Variants in SIDT1 observed in about 807,000 individuals in gnomAD.
SIDT1 encodes SID1 transmembrane family member 1.
SIDT1 carries 101 observed loss-of-function variants against 107.5 expected under a neutral mutation model. The ratio of observed to expected loss-of-function variants is 0.94; its 90% confidence interval spans 0.80 to 1.11. The LOEUF is 1.11. Ranked by LOEUF, SIDT1 falls within the 50% of genes least tolerant of loss-of-function variation. The pLI is 0.00. For synonymous variants in SIDT1, 395 were observed against 398.2 expected (o/e 0.99, Z 0.10); for missense variants, 1,076 against 1,058.2 (o/e 1.02, Z -0.23).
chr3:113,608,556 A>G lies in SIDT1; in HGVS notation c.1720+20A>G, dbSNP rs529337746. The G allele has an allele frequency of 2.3e-5, 35 of 1,501,158 alleles. No homozygotes were observed. Among genetic ancestry groups the G allele is most frequent in the South Asian group, 2.1e-4 (19 of 88,758 alleles). 93.0% of individuals were successfully genotyped at this position (1,501,158 alleles called of 1,614,324 possible). A position where few individuals can be genotyped will look rare whatever the true frequency, so the allele number is the denominator to read the frequency against. On this transcript the variant is annotated intron_variant, in intron 17 of 24. Transcript: ENST00000264852. Reference sequence around the variant, plus strand: ...AATTCGGTAATTAGAACTTATATCTACTATACAGATTTGAATCGTCAGTCT... The same window carrying G: ...AATTCGGTAATTAGAACTTATATCTGCTATACAGATTTGAATCGTCAGTCT...
intron 10 of SIDT1, among the ~76,000 whole-genome samples, chr3:113,600,749 C>G (rs1373614407): frequency 6.6e-6 from 1 of 152,174 alleles, no homozygotes; most frequent in Non-Finnish European, 1.5e-5. Context: ...TGAAGGTAAC[C>G]TGTTTCTTTG....
chr3:113,612,515 T>A, intron 19 of SIDT1: 1 of 444,924 alleles, frequency 2.2e-6, no homozygotes, highest in Non-Finnish European at 4.4e-6. Flanking sequence ...AATGGTATGA[T>A]CATACCACTA....
chr3:113,598,048 G>A (rs1702705759), intron 10 of SIDT1, among the ~76,000 whole-genome samples: 1 of 152,218 alleles, frequency 6.6e-6, no homozygotes, highest in African/African-American at 2.4e-5. Flanking sequence ...TTTAATTGGT[G>A]CATATAAAAG....
At chr3:113,595,510 T>C (rs374344436) in intron 10 of SIDT1, among the ~76,000 whole-genome samples, 1 of 151,878 alleles carries the variant, frequency 6.6e-6, no homozygotes, top group Admixed American at 6.6e-5. Context: ...GCCCAGGATG[T>C]TGGGGCTGCA....
At chr3:113,535,418 A>G (rs1260944396) in intron 1 of SIDT1, among the ~76,000 whole-genome samples, 1 of 152,266 alleles carries the variant, frequency 6.6e-6, no homozygotes, top group Non-Finnish European at 1.5e-5. Context: ...ATAGTTTGGA[A>G]AATGTGAGAT....
chr3:113,550,097 T>C (rs1303280407), intron 1 of SIDT1, among the ~76,000 whole-genome samples: 1 of 152,186 alleles, frequency 6.6e-6, no homozygotes, highest in Non-Finnish European at 1.5e-5. Context: ...TGGTGCTCAG[T>C]GTTCTTATCA....
chr3:113,621,815 C>T (rs1413492056), intron 21 of SIDT1, among the ~76,000 whole-genome samples: 1 of 152,136 alleles, frequency 6.6e-6, no homozygotes, highest in Non-Finnish European at 1.5e-5. Context: ...AGGTGACTAG[C>T]CCAGCATTGT....
intron 1 of SIDT1, among the ~76,000 whole-genome samples, chr3:113,560,213 T>C (rs1457416556): frequency 6.6e-6 from 1 of 152,136 alleles, no homozygotes; most frequent in African/African-American, 2.4e-5. Context: ...AAGCAGGCAA[T>C]GGCAGGACCT....
chr3:113,570,316 G>A (rs561681151), intron 3 of SIDT1, among the ~76,000 whole-genome samples: 1 of 152,368 alleles, frequency 6.6e-6, no homozygotes, highest in African/African-American at 2.4e-5. Flanking sequence ...CTTGCACAGA[G>A]TGCAGTTTGA....
intron 1 of SIDT1, among the ~76,000 whole-genome samples, chr3:113,535,538 T>A (rs1443864500): frequency 6.6e-6 from 1 of 152,238 alleles, no homozygotes; most frequent in African/African-American, 2.4e-5. Flanking sequence ...CTGTGTGTGT[T>A]AACATGTCCT....
Position 113,608,206 on chromosome 3 carries a change from A to T in SIDT1, c.1591A>T (p.Ile531Phe). Residue 531 changes from isoleucine (I) to phenylalanine (F), a missense_variant, in exon 16 of 25, where the codon ATC (isoleucine) becomes TTC (phenylalanine). Coordinates refer to ENST00000264852, the MANE Select transcript of SIDT1 (RefSeq NM_017699.3). ...LHRRALEAKD[I>F]FAVEYGIPKH... ...TCGGAGAGCCCTGGAAGCCAAGGAC[A>T]TCTTTGCTGTGGTGAGGAAAGAGTG... The T allele has an allele frequency of 6.3e-7, 1 of 1,596,802 alleles. No homozygotes were observed. The highest frequency in any genetic ancestry group is 1.1e-5 in the South Asian group (1 of 88,180).
chr3:113,614,963 C>G, intron 19 of SIDT1: 1 of 1,291,860 alleles, frequency 7.7e-7, no homozygotes, highest in South Asian at 1.3e-5. Context: ...AGTCATCCAT[C>G]TTGAGAAAAA....
intron 19 of SIDT1, chr3:113,612,448 C>T: frequency 1.8e-6 from 1 of 556,370 alleles, no homozygotes; most frequent in Non-Finnish European, 3.4e-6. Flanking sequence ...TGAGTTGTAC[C>T]TCCAACCCCT....
chr3:113,620,501 T>TA (rs58107587), intron 21 of SIDT1, among the ~76,000 whole-genome samples: 159 of 147,484 alleles, frequency 1.1e-3, no homozygotes, highest in Middle Eastern at 3.6e-3. Flanking sequence ...GGCCTGTGAT[T>TA]AAAAAAAAAA....
intron 14 of SIDT1, among the ~76,000 whole-genome samples, chr3:113,605,283 C>A (rs1945250102): frequency 6.6e-6 from 1 of 152,024 alleles, no homozygotes; most frequent in Admixed American, 6.6e-5. Flanking sequence ...CCACCATGCC[C>A]AGCTAATTTT....
intron 1 of SIDT1, among the ~76,000 whole-genome samples, chr3:113,542,704 T>C (rs1031470369): frequency 3.9e-5 from 6 of 152,168 alleles, no homozygotes; most frequent in African/African-American, 1.4e-4. Context: ...AGCATTCTTC[T>C]GTTGTGTTTG....
Position 113,576,946 on chromosome 3 carries a change from T to C in SIDT1, c.540T>C (p.Thr180=), listed in dbSNP as rs1191648583. Residue 180 remains threonine, a synonymous_variant, in exon 4 of 25, where the codon ACT becomes ACC. Coordinates refer to ENST00000264852, the MANE Select transcript of SIDT1 (RefSeq NM_017699.3). ...QLRTNVAFHF[T]ASPSQPQYFL... ...GGACAAATGTTGCCTTTCACTTTACTGCCAGCCCCTCTCAACCTCAGGTAA... is the reference window on the plus strand; with the variant it reads ...GGACAAATGTTGCCTTTCACTTTACCGCCAGCCCCTCTCAACCTCAGGTAA... 1 of 1,614,122 alleles carries C rather than the reference T, an allele frequency of 6.2e-7. No individual in the cohort carries two copies. Among genetic ancestry groups the C allele is most frequent in the African/African-American group, 1.3e-5 (1 of 74,940 alleles).
At chr3:113,592,945 C>T in intron 9 of SIDT1, 60 bp from the exon 10 acceptor site, 1 of 1,312,280 alleles carries the variant, frequency 7.6e-7, no homozygotes. Context: ...CTATAAGGAA[C>T]AAATGTAAAA....
chr3:113,566,999 C>T (rs1941977592), intron 2 of SIDT1, among the ~76,000 whole-genome samples: 1 of 152,080 alleles, frequency 6.6e-6, no homozygotes, highest in Non-Finnish European at 1.5e-5. Flanking sequence ...CTGCCCTCCT[C>T]GAGTTTCTAT....
Sources: allele counts gnomAD v4.1 joint callset (sites outside exome capture counted in the v4.1 genomes callset), GRCh38; gene constraint gnomAD v4.1.1; transcripts MANE v1.5; gene names NCBI Gene and HGNC (gene_info 2026-07-23, HGNC 2026-07-21).